Variants in GPC3 observed in about 807,000 individuals in gnomAD.
GPC3 encodes glypican-3.
A neutral mutation model predicts 34.4 loss-of-function variants in GPC3; 3 were observed. The ratio of observed to expected loss-of-function variants is 0.09; its 90% CI spans 0.04 to 0.23. The LOEUF (loss-of-function observed/expected upper bound fraction) is 0.23, where lower values mean the gene tolerates loss of function less well. Among genes scored for constraint, GPC3 ranks in the 10% least tolerant of loss-of-function variants. GPC3 has a pLI of 1.00. For missense variants in GPC3, 351 were observed against 445.6 expected, an observed-to-expected ratio of 0.79 and a Z score of 1.91; for synonymous variants, 177 against 174.0, an observed-to-expected ratio of 1.02 and a Z score of -0.13.
chrX:133,746,940 C>T (rs758665272), intron 3 of GPC3, among the ~76,000 whole-genome samples: 7 of 111,619 alleles, frequency 6.3e-5, no homozygotes, highest in Non-Finnish European at 1.3e-4. Context: ...GAAATTCTGA[C>T]GAGTTACAGT....
At chrX:133,712,232 G>T (rs1257237558) in intron 3 of GPC3, among the ~76,000 whole-genome samples, 4 of 111,219 alleles carry the variant, frequency 3.6e-5, no homozygotes, top group Non-Finnish European at 5.7e-5. Flanking sequence ...TGGAAGAGAG[G>T]GATCTACTCT....
At chrX:133,664,082 C>A (rs950532262) in intron 5 of GPC3, among the ~76,000 whole-genome samples, 1 of 112,020 alleles carries the variant, frequency 8.9e-6, no homozygotes, top group Non-Finnish European at 1.9e-5. Context: ...TAAAGTGAGG[C>A]ACACTTGTAT....
At chrX:133,672,452 A>C (rs1024635081) in intron 5 of GPC3, among the ~76,000 whole-genome samples, 21 of 111,507 alleles carry the variant, frequency 1.9e-4, no homozygotes, top group Non-Finnish European at 3.6e-4. Flanking sequence ...GTGTTTAAAA[A>C]CAGAGAAAGA....
chrX:133,838,231 C>A (rs1472159843), intron 2 of GPC3, among the ~76,000 whole-genome samples: 1 of 112,486 alleles, frequency 8.9e-6, no homozygotes, highest in Non-Finnish European at 1.9e-5. Flanking sequence ...CAATTAAAAT[C>A]ACTTGTAATT....
At position 133,654,386 on chromosome X, in the gene GPC3, C is replaced by T. The variant is rs749850848; in HGVS notation, c.1413+7344G>A. ...TATAGCAAATATTTGTAACTGCAAA[C>T]GTTTTAGGGAATGAGCATTTGTAAC... On this transcript the variant is annotated intron_variant, in intron 6 of 7. Coordinates refer to ENST00000370818, the MANE Select transcript of GPC3 (RefSeq NM_004484.4). Among the ~76,000 whole-genome samples, 4 of 110,997 alleles carry T rather than the reference C, an allele frequency of 3.6e-5. No individual in the cohort carries two copies. The East Asian group carries it at 1.1e-3, about 31-fold the overall frequency.
intron 2 of GPC3, among the ~76,000 whole-genome samples, chrX:133,755,401 T>C (rs2071717790): frequency 8.9e-6 from 1 of 112,015 alleles, no homozygotes; most frequent in African/African-American, 3.2e-5. Context: ...CTCTAGGTTG[T>C]GCTACCACCA....
intron 1 of GPC3, among the ~76,000 whole-genome samples, chrX:133,957,998 AGAC>A (rs749636313): frequency 7.0e-4 from 78 of 111,781 alleles, no homozygotes; most frequent in Middle Eastern, 9.2e-3. Context: ...TTGCATTCCC[AGAC>A]GCTAAAAAAA....
At chrX:133,628,523 G>A (rs1358308153) in intron 6 of GPC3, among the ~76,000 whole-genome samples, 3 of 110,048 alleles carry the variant, frequency 2.7e-5, no homozygotes, top group South Asian at 7.9e-4. Context: ...AGGCATGGTG[G>A]CACACGCCTG....
chrX:133,693,770 G>A (rs150970449), intron 4 of GPC3, among the ~76,000 whole-genome samples: 3 of 111,558 alleles, frequency 2.7e-5, no homozygotes, highest in Non-Finnish European at 1.9e-5. Context: ...ATTACTCTAT[G>A]GTTTAAGATG....
intron 2 of GPC3, among the ~76,000 whole-genome samples, chrX:133,856,554 TTC>T (rs1442474714): frequency 9.0e-6 from 1 of 111,598 alleles, no homozygotes; most frequent in Non-Finnish European, 1.9e-5. Context: ...ATTTTCCACA[TTC>T]TCTGCTACAA....
At chrX:133,715,179 G>T (rs1246156819) in intron 3 of GPC3, among the ~76,000 whole-genome samples, 1 of 111,984 alleles carries the variant, frequency 8.9e-6, no homozygotes, top group African/African-American at 3.2e-5. Context: ...GAGTCTTCTG[G>T]TCTTCATCTT....
chrX:133,597,670 C>T (rs746998493), intron 6 of GPC3, among the ~76,000 whole-genome samples: 15 of 112,015 alleles, frequency 1.3e-4, no homozygotes, highest in Admixed American at 1.0e-3. Context: ...TTAGCTGCCA[C>T]CCTGAGATCT....
chrX:133,687,238 G>A (rs1399722470), intron 5 of GPC3, among the ~76,000 whole-genome samples: 1 of 105,665 alleles, frequency 9.5e-6, no homozygotes, highest in Non-Finnish European at 1.9e-5. Context: ...CACCGTGCCC[G>A]GCAGAGATGG....
intron 2 of GPC3, among the ~76,000 whole-genome samples, chrX:133,766,638 C>A (rs769698685): frequency 8.9e-6 from 1 of 112,030 alleles, no homozygotes; most frequent in African/African-American, 3.2e-5. Flanking sequence ...CTCGTGCATG[C>A]ATGTGTTTGA....
intron 6 of GPC3, among the ~76,000 whole-genome samples, chrX:133,659,784 G>A (rs2070700203): frequency 9.0e-6 from 1 of 111,666 alleles, no homozygotes; most frequent in African/African-American, 3.3e-5. Flanking sequence ...TGGAAACTGA[G>A]ATTTTGGCCT....
chrX:133,701,199 C>CT (rs1427799445), intron 3 of GPC3, among the ~76,000 whole-genome samples: 1 of 111,510 alleles, frequency 9.0e-6, no homozygotes, highest in African/African-American at 3.3e-5. Flanking sequence ...AGATTTGCTA[C>CT]TTTTTTCACT....
intron 3 of GPC3, among the ~76,000 whole-genome samples, chrX:133,739,705 A>C (rs113009091): frequency 0.042 from 4,589 of 109,498 alleles, 274 homozygotes; most frequent in African/African-American, 0.14. Context: ...AAAAACAAAA[A>C]CAAAACAAAA....
chrX:133,801,233 G>A (rs191759828), intron 2 of GPC3, among the ~76,000 whole-genome samples: 7 of 111,246 alleles, frequency 6.3e-5, no homozygotes, highest in African/African-American at 2.3e-4. Context: ...CTACCACCAA[G>A]AACTTTCCAT....
At chrX:133,627,237 A>G (rs1415730179) in intron 6 of GPC3, among the ~76,000 whole-genome samples, 2 of 108,127 alleles carry the variant, frequency 1.8e-5, no homozygotes, top group African/African-American at 3.3e-5. Context: ...TGGGTGCAGC[A>G]CACCAACATG....
Sources: allele counts gnomAD v4.1 joint callset (sites outside exome capture counted in the v4.1 genomes callset), GRCh38; gene constraint gnomAD v4.1.1; transcripts MANE v1.5; gene names NCBI Gene and HGNC (gene_info 2026-07-23, HGNC 2026-07-21).